The following HS3ST3A1 variants were observed in gnomAD, a reference collection of about 807,000 sequenced individuals.
The protein encoded by HS3ST3A1 is heparan sulfate glucosamine 3-O-sulfotransferase 3A1.
A neutral mutation model predicts 25.7 loss-of-function variants in HS3ST3A1; 19 were observed. The observed-to-expected ratio is 0.74, with a 90% CI of 0.52 to 1.08. The LOEUF (loss-of-function observed/expected upper bound fraction) is 1.08. Ranked by LOEUF, HS3ST3A1 falls within the 50% of genes least tolerant of loss-of-function variation. HS3ST3A1 has a pLI of 0.00. For missense variants in HS3ST3A1, 459 were observed against 594.3 expected, an observed-to-expected ratio of 0.77 and a Z score of 2.37; for synonymous variants, 226 against 278.6, an observed-to-expected ratio of 0.81 and a Z score of 1.88.
At chr17:13,566,017 T>G (rs1434445144) in intron 1 of HS3ST3A1, among the ~76,000 whole-genome samples, 1 of 152,238 alleles carries the variant, frequency 6.6e-6, no homozygotes, top group East Asian at 1.9e-4. Context: ...AGTAAGTTTA[T>G]CATTTATCTT....
At chr17:13,565,480 T>G (rs1026705521) in intron 1 of HS3ST3A1, among the ~76,000 whole-genome samples, 1 of 152,160 alleles carries the variant, frequency 6.6e-6, no homozygotes, top group Non-Finnish European at 1.5e-5. Context: ...TGCAGTGAGC[T>G]GTGATCGTGC....
At chr17:13,593,432 AC>A (rs1351792074) in intron 1 of HS3ST3A1, among the ~76,000 whole-genome samples, 1 of 152,178 alleles carries the variant, frequency 6.6e-6, no homozygotes, top group African/African-American at 2.4e-5. Context: ...AGAAAGGAAT[AC>A]AAAACTGTCT....
chr17:13,496,103 T>G lies in HS3ST3A1; in HGVS notation c.*94A>C, dbSNP rs1180765449. 4 of 1,342,908 alleles carry G rather than the reference T, an allele frequency of 3.0e-6. No homozygotes were observed. Among genetic ancestry groups the G allele is most frequent in the Non-Finnish European group, 3.9e-6 (4 of 1,014,788 alleles). The allele number at this position is 1,342,908 out of a possible 1,614,324, so 83.2% of individuals were successfully genotyped here. On this transcript the variant is annotated 3_prime_UTR_variant, in exon 2 of 2. Transcript: ENST00000284110. ...ATTCATTGAAAAAAATACTGAAACATATTTTCAGCACAAATATTAAACTGT... is the reference window on the plus strand; with the variant it reads ...ATTCATTGAAAAAAATACTGAAACAGATTTTCAGCACAAATATTAAACTGT...
chr17:13,562,756 A>G (rs1278475842), intron 1 of HS3ST3A1, among the ~76,000 whole-genome samples: 1 of 152,048 alleles, frequency 6.6e-6, no homozygotes, highest in African/African-American at 2.4e-5. Context: ...GTCAAATATC[A>G]AGGCACCCAG....
rs1906428989 is a variant in HS3ST3A1 at position 13,526,484 on chromosome 17, A to ATATAT, written c.600-29671_600-29667dup. On this transcript the variant is annotated intron_variant, in intron 1 of 1. Transcript: ENST00000284110. ...ATACAACTTTAATTTTTATATATAT[A>ATATAT]TATATATATATATATATATATATAT... Among the ~76,000 whole-genome samples, 3 of 72,748 alleles carry ATATAT rather than the reference A, an allele frequency of 4.1e-5. No homozygotes were observed. In the South Asian group the frequency reaches 1.5e-3, roughly 37 times the overall value. 47.7% of individuals were successfully genotyped at this position (72,748 alleles called of 152,430 possible).
At chr17:13,523,187 A>G (rs1171665406) in intron 1 of HS3ST3A1, among the ~76,000 whole-genome samples, 1 of 152,190 alleles carries the variant, frequency 6.6e-6, no homozygotes, top group Non-Finnish European at 1.5e-5. Flanking sequence ...TTTTTCTTAA[A>G]TATTTCCTTT....
chr17:13,527,997 C>T (rs1190831685), intron 1 of HS3ST3A1, among the ~76,000 whole-genome samples: 1 of 152,074 alleles, frequency 6.6e-6, no homozygotes, highest in Non-Finnish European at 1.5e-5. Flanking sequence ...TTCTTCTTGG[C>T]CCCCAGGAAT....
chr17:13,600,714 C>T lies in HS3ST3A1; in HGVS notation c.416G>A (p.Gly139Glu). 1.3e-6 allele frequency: 2 copies of T among 1,555,096 alleles called. No individual in the cohort carries two copies. Among genetic ancestry groups the T allele is most frequent in the Non-Finnish European group, 1.7e-6 (2 of 1,157,768 alleles). Residue 139 changes from glycine to glutamate, a missense_variant, in exon 1 of 2, where the codon GGG (glycine) becomes GAG (glutamate). By Grantham distance (98) the Gly-to-Glu change is moderately conservative (BLOSUM62 -2). Coordinates refer to ENST00000284110, the MANE Select transcript of HS3ST3A1 (RefSeq NM_006042.3). ...AGSTVAEAPP[G>E]TLALLLDEGS... ...TTCGTCCAGGAGCAGCGCCAGGGTC[C>T]CCGGCGGGGCCTCGGCCACGGTGCT...
At chr17:13,569,890 A>G (rs1362640674) in intron 1 of HS3ST3A1, among the ~76,000 whole-genome samples, 1 of 152,228 alleles carries the variant, frequency 6.6e-6, no homozygotes, top group Non-Finnish European at 1.5e-5. Flanking sequence ...GTCTCCATCT[A>G]AAATGGGTCT....
At chr17:13,567,607 C>T (rs2142370514) in intron 1 of HS3ST3A1, among the ~76,000 whole-genome samples, 1 of 152,266 alleles carries the variant, frequency 6.6e-6, no homozygotes, top group Admixed American at 6.5e-5. Flanking sequence ...AATATCAACA[C>T]AAACAGGAGT....
At chr17:13,568,021 G>C (rs1907717982) in intron 1 of HS3ST3A1, among the ~76,000 whole-genome samples, 1 of 152,196 alleles carries the variant, frequency 6.6e-6, no homozygotes, top group Non-Finnish European at 1.5e-5. Context: ...AATCTTTCAT[G>C]AAAGGAAGAG....
intron 1 of HS3ST3A1, among the ~76,000 whole-genome samples, chr17:13,537,348 T>C (rs902849932): frequency 6.6e-6 from 1 of 152,192 alleles, no homozygotes. Context: ...AATAAAGCAA[T>C]CTTATATCAT....
chr17:13,582,800 G>A (rs111241302), intron 1 of HS3ST3A1, among the ~76,000 whole-genome samples: 37 of 152,180 alleles, frequency 2.4e-4, no homozygotes, highest in African/African-American at 7.2e-4. Context: ...GTGTCTTTCC[G>A]AGTGACTTAT....
chr17:13,515,541 TTTA>T (rs1906027597), intron 1 of HS3ST3A1, among the ~76,000 whole-genome samples: 2 of 147,488 alleles, frequency 1.4e-5, no homozygotes, highest in South Asian at 4.4e-4. Context: ...TGTTTATCCA[TTTA>T]ACTGCTGGAG....
chr17:13,522,106 C>T (rs8073109), intron 1 of HS3ST3A1, among the ~76,000 whole-genome samples: 65,776 of 151,802 alleles, frequency 0.43, 14,486 homozygotes, highest in African/African-American at 0.53. Context: ...TGGAATACAG[C>T]AAAATAGGAT....
At chr17:13,580,689 C>G (rs746218051) in intron 1 of HS3ST3A1, among the ~76,000 whole-genome samples, 5 of 151,948 alleles carry the variant, frequency 3.3e-5, no homozygotes, top group Non-Finnish European at 7.4e-5. Flanking sequence ...GGTCGGAGTT[C>G]GAGATCAGCC....
intron 1 of HS3ST3A1, among the ~76,000 whole-genome samples, chr17:13,552,045 G>C (rs971222813): frequency 2.0e-5 from 3 of 151,834 alleles, no homozygotes; most frequent in Non-Finnish European, 4.4e-5. Context: ...CTGTGTGACT[G>C]GCAATTGCTG....
intron 1 of HS3ST3A1, among the ~76,000 whole-genome samples, chr17:13,595,872 T>C (rs1598436917): frequency 1.3e-5 from 2 of 148,722 alleles, no homozygotes; most frequent in South Asian, 4.3e-4. Flanking sequence ...GTTGTTGTTG[T>C]TGTTGATATC....
rs1322291189 is a variant in HS3ST3A1, at chr17:13,495,584, A to C, written c.*613T>G. The C allele has an allele frequency of 2.6e-5, 4 of 152,262 alleles. No individual in the cohort carries two copies. The highest frequency in any genetic ancestry group is 5.9e-5 in the Non-Finnish European group (4 of 68,064). The allele number at this position is 152,262 out of a possible 1,614,324, so 9.4% of individuals were successfully genotyped here. ...ATGGAATTTTGTCCAGGGTCCATCC[A>C]ACATTTGACCTTTAGATACATTATT... On this transcript the variant is annotated 3_prime_UTR_variant, in exon 2 of 2. Transcript: ENST00000284110.
Sources: gnomAD v4.1 joint callset for allele counts (sites outside exome capture counted in the v4.1 genomes callset) on GRCh38, gnomAD v4.1.1 for gene constraint, MANE v1.5 for transcripts, NCBI Gene and HGNC (gene_info 2026-07-23, HGNC 2026-07-21) for gene names.